PRKCE: variants seen among roughly 807,000 people sequenced by gnomAD.
PRKCE encodes protein kinase C epsilon.
In PRKCE, 16 loss-of-function variants were observed where a neutral mutation model predicts 85.4. The observed-to-expected ratio is 0.19, with a 90% CI of 0.13 to 0.28. PRKCE has a LOEUF of 0.28. PRKCE is among the 10% of genes least tolerant of loss of function. The pLI is 1.00. For synonymous variants in PRKCE, 388 were observed against 371.5 expected, an observed-to-expected ratio of 1.04 and a Z score of -0.51; for missense variants, 573 against 975.2, an observed-to-expected ratio of 0.59 and a Z score of 5.49.
chr2:45,720,216 A>G (rs2104452331), intron 1 of PRKCE, among the ~76,000 whole-genome samples: 1 of 152,306 alleles, frequency 6.6e-6, no homozygotes, highest in Middle Eastern at 3.4e-3. Context: ...CAAAGCTGGG[A>G]GCAGCCACTG....
intron 10 of PRKCE, among the ~76,000 whole-genome samples, chr2:46,019,741 C>G (rs536007543): frequency 6.6e-6 from 1 of 151,860 alleles, no homozygotes; most frequent in African/African-American, 2.4e-5. Context: ...GTGAGGACTT[C>G]CTGTACACTG....
At chr2:45,865,070 G>T (rs529549634) in intron 2 of PRKCE, among the ~76,000 whole-genome samples, 1 of 152,172 alleles carries the variant, frequency 6.6e-6, no homozygotes, top group Non-Finnish European at 1.5e-5. Context: ...AAACTTTATT[G>T]TCCATATAAG....
chr2:46,151,529 T>A (rs1676629332), intron 13 of PRKCE, among the ~76,000 whole-genome samples: 1 of 151,492 alleles, frequency 6.6e-6, no homozygotes, highest in African/African-American at 2.4e-5. Flanking sequence ...ACTGTGTACA[T>A]CTGTGTCCTC....
At chr2:46,161,966 G>A (rs138776497) in intron 14 of PRKCE, among the ~76,000 whole-genome samples, 3 of 152,238 alleles carry the variant, frequency 2.0e-5, no homozygotes, top group Non-Finnish European at 4.4e-5. Context: ...GAACAGGTGT[G>A]GGTCTGAGGG....
chr2:46,098,539 G>A (rs1459325454), intron 11 of PRKCE, among the ~76,000 whole-genome samples: 3 of 151,530 alleles, frequency 2.0e-5, no homozygotes, highest in Non-Finnish European at 3.0e-5. Flanking sequence ...TTAGTAAACT[G>A]ATGAAAACAC....
chr2:45,846,086 T>C (rs1691766384), intron 2 of PRKCE, among the ~76,000 whole-genome samples: 1 of 152,136 alleles, frequency 6.6e-6, no homozygotes, highest in East Asian at 1.9e-4. Context: ...ATGTTTTACT[T>C]GCATCGTAAG....
At chr2:45,827,656 C>T (rs569954732) in intron 1 of PRKCE, among the ~76,000 whole-genome samples, 2 of 152,320 alleles carry the variant, frequency 1.3e-5, no homozygotes, top group South Asian at 4.1e-4. Context: ...GCCAGTTGGA[C>T]AGTTTAGTGC....
chr2:45,819,362 A>C (rs1314924171), intron 1 of PRKCE, among the ~76,000 whole-genome samples: 2 of 152,134 alleles, frequency 1.3e-5, no homozygotes, highest in African/African-American at 4.8e-5. Flanking sequence ...TTGTCTTGAG[A>C]ACCCATCTGG....
At chr2:46,064,305 AAAAG>A (rs1408602190) in intron 10 of PRKCE, among the ~76,000 whole-genome samples, 3 of 151,972 alleles carry the variant, frequency 2.0e-5, no homozygotes, top group South Asian at 4.2e-4. Context: ...AAAAAAAAGA[AAAAG>A]AAAATTGTTA....
rs1705021760 is a variant in PRKCE at position 46,004,755 on chromosome 2, G to A, written c.1063+117G>A. The A allele has an allele frequency of 6.6e-6, 6 of 904,398 alleles. No individual in the cohort carries two copies. The South Asian group carries it at 9.1e-5, about 14-fold the overall frequency. The allele number at this position is 904,398 out of a possible 1,614,324, so 56.0% of individuals were successfully genotyped here. A position where few individuals can be genotyped will look rare whatever the true frequency, so the allele number is the denominator to read the frequency against. On this transcript the variant is annotated intron_variant, in intron 8 of 14. Transcript: ENST00000306156. This position sits in a 1 kb window ranked among gnomAD's most constrained non-coding sequence, Gnocchi z 4.1. ...TTAGCTGAAATAGCTAGCAGCCCTG[G>A]TGGGTTTTCACACACCCGTTGCCTG...
chr2:46,013,225 C>CA (rs1191777071), intron 10 of PRKCE, among the ~76,000 whole-genome samples: 1 of 152,076 alleles, frequency 6.6e-6, no homozygotes, highest in Non-Finnish European at 1.5e-5. Flanking sequence ...TATGACAAAC[C>CA]AACAGTTTAT....
chr2:46,080,034 T>C (rs1326394624), intron 10 of PRKCE, among the ~76,000 whole-genome samples: 1 of 152,230 alleles, frequency 6.6e-6, no homozygotes, highest in African/African-American at 2.4e-5. Flanking sequence ...GGAATAAGGC[T>C]TTTAAAATCT....
At chr2:46,030,174 A>G (rs1707417125) in intron 10 of PRKCE, among the ~76,000 whole-genome samples, 1 of 152,224 alleles carries the variant, frequency 6.6e-6, no homozygotes, top group Non-Finnish European at 1.5e-5. Context: ...AAGAACATGG[A>G]CAATATTCTA....
chr2:45,938,347 C>T (rs774819697), intron 2 of PRKCE, among the ~76,000 whole-genome samples: 1 of 152,098 alleles, frequency 6.6e-6, no homozygotes, highest in Non-Finnish European at 1.5e-5. Context: ...TATCATTTAT[C>T]CTCCAAGAAA....
At chr2:46,022,750 G>A (rs1019870060) in intron 10 of PRKCE, among the ~76,000 whole-genome samples, 2 of 152,204 alleles carry the variant, frequency 1.3e-5, no homozygotes, top group Admixed American at 6.5e-5. Flanking sequence ...CACACAGAAG[G>A]TTCAATAAAT....
intron 10 of PRKCE, among the ~76,000 whole-genome samples, chr2:46,051,288 G>C (rs1708842911): frequency 6.6e-6 from 1 of 152,180 alleles, no homozygotes; most frequent in Admixed American, 6.5e-5. Context: ...TGGGCTGGTG[G>C]TTTCTGGTGG....
chr2:46,177,222 C>T (rs1437127792), intron 14 of PRKCE, among the ~76,000 whole-genome samples: 2 of 152,154 alleles, frequency 1.3e-5, no homozygotes, highest in Non-Finnish European at 2.9e-5. Context: ...TCAAGACCAG[C>T]CAGGACAACA....
chr2:45,991,869 T>C (rs1703827435), intron 6 of PRKCE, among the ~76,000 whole-genome samples: 1 of 152,216 alleles, frequency 6.6e-6, no homozygotes, highest in African/African-American at 2.4e-5. Flanking sequence ...GCTTGCATGG[T>C]GAGCTTGGGA....
At chr2:46,093,099 C>G (rs1015436642) in intron 11 of PRKCE, among the ~76,000 whole-genome samples, 1 of 152,104 alleles carries the variant, frequency 6.6e-6, no homozygotes, top group East Asian at 1.9e-4. Flanking sequence ...TAGCTGTCAG[C>G]GTTACCCCAT....
Sources: allele counts gnomAD v4.1 joint callset (sites outside exome capture counted in the v4.1 genomes callset), GRCh38; gene constraint gnomAD v4.1.1; non-coding constraint Gnocchi (gnomAD v3.1); transcripts MANE v1.5; gene names NCBI Gene and HGNC (gene_info 2026-07-23, HGNC 2026-07-21).